NMBR: variants seen among roughly 807,000 people sequenced by gnomAD.
NMBR encodes neuromedin-B receptor.
In NMBR, 16 loss-of-function variants were observed where a neutral mutation model predicts 20.5. That is an observed-to-expected ratio of 0.78 (90% CI 0.53 to 1.19). NMBR has a LOEUF of 1.19. NMBR is among the 50% of genes most tolerant of loss of function. NMBR has a pLI of 0.00. For synonymous variants in NMBR, 212 were observed against 196.6 expected, an observed-to-expected ratio of 1.08 and a Z score of -0.65; for missense variants, 582 against 499.1, an observed-to-expected ratio of 1.17 and a Z score of -1.58.
intron 1 of NMBR, among the ~76,000 whole-genome samples, chr6:142,126,979 G>A (rs942007355): frequency 6.6e-6 from 1 of 151,464 alleles, no homozygotes; most frequent in African/African-American, 2.4e-5. Context: ...TGTTTTTGCT[G>A]TGCAGAAGCT....
chr6:142,079,125 AG>A (rs1160872221), intron 2 of NMBR, among the ~76,000 whole-genome samples: 8 of 74,136 alleles, frequency 1.1e-4, no homozygotes, highest in African/African-American at 4.6e-4. Flanking sequence ...AAAGAAAGAA[AG>A]AAGAAAGAAA....
chr6:142,075,981 A>G lies in NMBR; in HGVS notation c.840T>C (p.Phe280=), dbSNP rs1434008327. The stretch of plus-strand genomic sequence containing the variant: ...GATACATGTAAAGGATGTGGTTTGG[A>G]AACCAACAGAAGATGAAACAGCCCA... ...VFVGCFIFCW[F]PNHILYMYRS... Residue 280 remains phenylalanine, a synonymous_variant, in exon 4 of 4, where the codon TTT becomes TTC. Coordinates refer to ENST00000258042, the MANE Select transcript of NMBR (RefSeq NM_002511.4). 6.2e-7 allele frequency: 1 copy of G among 1,613,044 alleles called. No homozygotes were observed. Among genetic ancestry groups the G allele is most frequent in the Non-Finnish European group, 8.5e-7 (1 of 1,179,646 alleles).
intron 2 of NMBR, among the ~76,000 whole-genome samples, chr6:142,079,203 G>A (rs1028949952): frequency 1.3e-5 from 2 of 151,758 alleles, no homozygotes; most frequent in African/African-American, 4.8e-5. Flanking sequence ...AAAAGGGAAG[G>A]AAGGAAGGAA....
intron 1 of NMBR, among the ~76,000 whole-genome samples, chr6:142,131,087 C>T (rs1384015932): frequency 2.6e-5 from 4 of 152,072 alleles, no homozygotes; most frequent in Non-Finnish European, 5.9e-5. Context: ...ATATTGATGT[C>T]ATGTAGAACA....
chr6:142,144,815 C>T (rs1339102241), intron 1 of NMBR, among the ~76,000 whole-genome samples: 5 of 151,752 alleles, frequency 3.3e-5, no homozygotes, highest in Admixed American at 6.6e-5. Flanking sequence ...TTTGGGAGGC[C>T]GAGGCAGGAG....
intron 1 of NMBR, among the ~76,000 whole-genome samples, chr6:142,128,886 C>T (rs936206877): frequency 1.3e-5 from 2 of 150,988 alleles, no homozygotes; most frequent in African/African-American, 4.8e-5. Context: ...TTGAGTTTGG[C>T]AGTGTTCCTC....
chr6:142,130,068 C>T (rs1163590807), intron 1 of NMBR, among the ~76,000 whole-genome samples: 11 of 152,230 alleles, frequency 7.2e-5, no homozygotes, highest in South Asian at 4.2e-4. Flanking sequence ...CTTTGCTCTT[C>T]GCACTGAGAT....
intron 1 of NMBR, among the ~76,000 whole-genome samples, chr6:142,103,535 G>T (rs999322351): frequency 2.6e-5 from 4 of 152,064 alleles, no homozygotes; most frequent in African/African-American, 7.2e-5. Context: ...TCCATGATGG[G>T]TCATGGAATG....
chr6:142,146,877 TAACTG>T lies in NMBR; in HGVS notation c.-664+162_-664+166del, dbSNP rs1778447447. Among the ~76,000 whole-genome samples the T allele has an allele frequency of 5.9e-5, 9 of 152,356 alleles. No individual in the cohort carries two copies. The South Asian group carries it at 1.9e-3, about 32-fold the overall frequency. ...TATATGGAATATTAATGTGGCATAT[TAACTG>T]GAAGTGGTAATTCCTGAATGACGCC... On this transcript the variant is annotated intron_variant, in intron 1 of 3. Transcript: ENST00000258042.
intron 1 of NMBR, among the ~76,000 whole-genome samples, chr6:142,126,885 G>A (rs1269007123): frequency 1.3e-5 from 2 of 148,264 alleles, no homozygotes; most frequent in African/African-American, 2.5e-5. Flanking sequence ...CTCATTCAAT[G>A]TTGGGTTTTG....
chr6:142,118,785 T>C (rs1390081958), intron 1 of NMBR, among the ~76,000 whole-genome samples: 1 of 152,014 alleles, frequency 6.6e-6, no homozygotes, highest in Non-Finnish European at 1.5e-5. Context: ...AATTGGCCTA[T>C]GTCAAGTCTC....
chr6:142,091,292 G>A (rs753403077), intron 1 of NMBR, among the ~76,000 whole-genome samples: 3 of 152,128 alleles, frequency 2.0e-5, no homozygotes, highest in Non-Finnish European at 4.4e-5. Context: ...GCATGAAGAT[G>A]GCTCACTATA....
intron 1 of NMBR, among the ~76,000 whole-genome samples, chr6:142,130,306 A>AT (rs565694680): frequency 0.013 from 1,999 of 148,944 alleles, 21 homozygotes; most frequent in South Asian, 0.02. Context: ...GCTACATGTG[A>AT]TTTTTTTTTT....
intron 2 of NMBR, 56 bp downstream of exon 2, chr6:142,088,181 C>T: frequency 6.4e-7 from 1 of 1,553,462 alleles, no homozygotes; most frequent in Non-Finnish European, 8.7e-7. Flanking sequence ...TGAGTCTTCT[C>T]TACTCGCCCC....
intron 1 of NMBR, among the ~76,000 whole-genome samples, chr6:142,126,757 ATTTTTTTT>A (rs34631481): frequency 2.1e-4 from 11 of 51,362 alleles, no homozygotes; most frequent in Non-Finnish European, 2.8e-4. Flanking sequence ...TATTTGAGGG[ATTTTTTTT>A]TTTTTTTTTT....
At chr6:142,091,513 T>C (rs1777322886) in intron 1 of NMBR, among the ~76,000 whole-genome samples, 1 of 152,168 alleles carries the variant, frequency 6.6e-6, no homozygotes, top group Non-Finnish European at 1.5e-5. Context: ...GCATGAGCCA[T>C]AGCACCCAGC....
intron 1 of NMBR, among the ~76,000 whole-genome samples, chr6:142,123,654 C>T (rs866568665): frequency 3.9e-5 from 6 of 152,062 alleles, no homozygotes; most frequent in Admixed American, 3.3e-4. Context: ...CAGCCATCTA[C>T]ATCAAGGCGA....
rs1372135108 is a variant in NMBR at position 142,078,905 on chromosome 6, T to G, written c.423-2A>C. On this transcript the variant is annotated splice_acceptor_variant, in intron 2 of 3. Transcript: ENST00000258042. LOFTEE classifies it high-confidence loss of function. Reference sequence around the variant, plus strand: ...ATGGGGTTAACGATGGCTCTGTACCTGGGAAAATGATACATCTCAAGTTAT... The same window carrying G: ...ATGGGGTTAACGATGGCTCTGTACCGGGGAAAATGATACATCTCAAGTTAT... 4 of 1,563,330 alleles carry G rather than the reference T, an allele frequency of 2.6e-6. No individual in the cohort carries two copies. Among genetic ancestry groups the G allele is most frequent in the Non-Finnish European group, 3.5e-6 (4 of 1,151,376 alleles).
chr6:142,088,050 C>A (rs1272439458), intron 2 of NMBR, among the ~76,000 whole-genome samples, 187 bp downstream of exon 2: 2 of 151,958 alleles, frequency 1.3e-5, no homozygotes, highest in East Asian at 3.9e-4. Flanking sequence ...TTTTTCCAAG[C>A]CTCACATGTC....
Sources: gnomAD v4.1 joint callset for allele counts (sites outside exome capture counted in the v4.1 genomes callset) on GRCh38, gnomAD v4.1.1 for gene constraint, MANE v1.5 for transcripts, NCBI Gene and HGNC (gene_info 2026-07-23, HGNC 2026-07-21) for gene names.